Variants in CMC1 observed in about 807,000 individuals in gnomAD.
CMC1 encodes COX assembly mitochondrial protein homolog.
CMC1 carries 14 observed loss-of-function variants against 14.1 expected under a neutral mutation model. The ratio of observed to expected loss-of-function variants is 0.99; its 90% CI spans 0.66 to 1.55. The LOEUF (loss-of-function observed/expected upper bound fraction) is 1.55. CMC1 is among the 40% of genes most tolerant of loss of function. The probability of loss-of-function intolerance (pLI) is 0.00; values close to 1 mark genes in which losing one functional copy is unlikely to be tolerated. For missense variants in CMC1, 127 were observed against 123.8 expected (o/e 1.03, Z -0.12); for synonymous variants, 50 against 38.4 (o/e 1.30, Z -1.12).
intron 2 of CMC1, among the ~76,000 whole-genome samples, chr3:28,308,929 G>T (rs563259602): frequency 1.3e-5 from 2 of 151,684 alleles, no homozygotes; most frequent in Non-Finnish European, 2.9e-5. Flanking sequence ...GTTGCAGTGA[G>T]CCAAGATCAT....
chr3:28,324,416 C>G lies in CMC1; in HGVS notation c.*4787C>G. 6.5e-7 allele frequency: 1 copy of G among 1,537,802 alleles called. No individual in the cohort carries two copies. The highest frequency in any genetic ancestry group is 8.8e-7 in the Non-Finnish European group (1 of 1,141,248). On this transcript the variant is annotated 3_prime_UTR_variant, in exon 4 of 4. Coordinates refer to ENST00000466830, the MANE Select transcript of CMC1 (RefSeq NM_182523.2). ...TTCATCAAGTGCAGTTTTGTGCTGT[C>G]TCTTCCAAGGTCTTCACTGCATCCT...
intron 2 of CMC1, among the ~76,000 whole-genome samples, chr3:28,313,435 A>G (rs1434301710): frequency 6.6e-6 from 1 of 152,210 alleles, no homozygotes; most frequent in Non-Finnish European, 1.5e-5. Context: ...ATAGAATCAG[A>G]TATACAAGCT....
At chr3:28,315,444 G>C (rs1404628068) in intron 2 of CMC1, among the ~76,000 whole-genome samples, 2 of 152,180 alleles carry the variant, frequency 1.3e-5, no homozygotes, top group African/African-American at 4.8e-5. Context: ...TGGGGGTCCT[G>C]TTATTAGAAG....
chr3:28,314,859 A>G (rs775210700), intron 2 of CMC1: 1 of 152,104 alleles, frequency 6.6e-6, no homozygotes, highest in Admixed American at 6.6e-5. Flanking sequence ...TTTCATGGAC[A>G]CTCCTAAGAT....
intron 2 of CMC1, among the ~76,000 whole-genome samples, chr3:28,278,513 T>A (rs1360079592): frequency 2.0e-5 from 3 of 152,208 alleles, no homozygotes; most frequent in Non-Finnish European, 4.4e-5. Flanking sequence ...CAGTAACATG[T>A]TCAACTTGGA....
chr3:28,300,645 C>CCT (rs1701983615), intron 2 of CMC1, among the ~76,000 whole-genome samples: 1 of 42,940 alleles, frequency 2.3e-5, no homozygotes, highest in African/African-American at 1.0e-4. Context: ...CTTTCCCTCC[C>CCT]TCCATCCCTT....
chr3:28,302,048 C>G (rs1405922716), intron 2 of CMC1, among the ~76,000 whole-genome samples: 1 of 152,190 alleles, frequency 6.6e-6, no homozygotes, highest in Non-Finnish European at 1.5e-5. Flanking sequence ...CCTTCACACT[C>G]TAACCTTTTT....
rs1309477230 is a variant in CMC1 at position 28,316,652 on chromosome 3, CAA to C, written c.200+233_200+234del. ...TGATTAAAAAGATGAAGTCAGCAGACAAAAATATATGATTTTTCACTATTTAA... is the reference window on the plus strand; with the variant it reads ...TGATTAAAAAGATGAAGTCAGCAGACAAATATATGATTTTTCACTATTTAA... On this transcript the variant is annotated intron_variant, in intron 3 of 3. Transcript: ENST00000466830. 4 of 325,332 alleles carry C rather than the reference CAA, an allele frequency of 1.2e-5. No individual in the cohort carries two copies. The East Asian group carries it at 1.9e-4, about 16-fold the overall frequency. The allele number at this position is 325,332 out of a possible 1,614,324, so 20.2% of individuals were successfully genotyped here.
chr3:28,255,700 A>T (rs1699365040), intron 1 of CMC1, among the ~76,000 whole-genome samples: 1 of 147,496 alleles, frequency 6.8e-6, no homozygotes, highest in Admixed American at 6.9e-5. Flanking sequence ...TGTTAAAAAA[A>T]ATGTATATAT....
At chr3:28,272,713 T>G (rs1422065752) in intron 2 of CMC1, among the ~76,000 whole-genome samples, 1 of 151,902 alleles carries the variant, frequency 6.6e-6, no homozygotes, top group Non-Finnish European at 1.5e-5. Context: ...AATTGAAGTC[T>G]TGCACTGTCA....
chr3:28,281,150 C>CT lies in CMC1; in HGVS notation c.109+17772dup, dbSNP rs548946979. Among the ~76,000 whole-genome samples, 104 of 152,300 alleles carry CT rather than the reference C, an allele frequency of 6.8e-4. 3 individuals are homozygous for CT. In the East Asian group the frequency reaches 0.019, roughly 27 times the overall value. ...AACTAATTCCGTAAATTTATGAATA[C>CT]TTACCATGTATCCAGCCCTGCACGT... On this transcript the variant is annotated intron_variant, in intron 2 of 3. Coordinates refer to ENST00000466830, the MANE Select transcript of CMC1 (RefSeq NM_182523.2).
Position 28,322,991 on chromosome 3 carries a change from T to TTTA in CMC1, c.*3365_*3367dup, listed in dbSNP as rs1209336567. On this transcript the variant is annotated 3_prime_UTR_variant, in exon 4 of 4. Transcript: ENST00000466830. Reference sequence around the variant, plus strand: ...ATGTGAAGCCATCTTTATTTCCTTCTTTATTTCCAAATAATTGGCCACTTA... The same window carrying TTTA: ...ATGTGAAGCCATCTTTATTTCCTTCTTTATTATTTCCAAATAATTGGCCACTTA... 6.7e-6 allele frequency: 1 copy of TTTA among 149,748 alleles called. No homozygotes were observed. The highest frequency in any genetic ancestry group is 1.5e-5 in the Non-Finnish European group (1 of 66,594). The allele number at this position is 149,748 out of a possible 1,614,324, so 9.3% of individuals were successfully genotyped here.
At chr3:28,265,744 A>T (rs1699976765) in intron 2 of CMC1, among the ~76,000 whole-genome samples, 1 of 152,192 alleles carries the variant, frequency 6.6e-6, no homozygotes, top group Admixed American at 6.5e-5. Context: ...ACTTTCAATG[A>T]AAGAAAGATG....
intron 3 of CMC1, chr3:28,317,620 C>G (rs1345628456): frequency 3.3e-5 from 5 of 151,888 alleles, no homozygotes; most frequent in African/African-American, 1.2e-4. Context: ...ATCCTTCACT[C>G]CAGTTGGGGG....
intron 2 of CMC1, among the ~76,000 whole-genome samples, chr3:28,276,864 C>T (rs1377183028): frequency 3.3e-5 from 5 of 152,180 alleles, no homozygotes; most frequent in East Asian, 3.9e-4. Context: ...ATTAATAGCC[C>T]GTTTTTGAGG....
intron 2 of CMC1, among the ~76,000 whole-genome samples, chr3:28,274,971 A>T (rs1303915564): frequency 6.6e-6 from 1 of 152,026 alleles, no homozygotes; most frequent in African/African-American, 2.4e-5. Context: ...TAAACTGGTC[A>T]TTCTGGTTAA....
chr3:28,323,845 A>T lies in CMC1; in HGVS notation c.*4216A>T. 1 of 514,204 alleles carries T rather than the reference A, an allele frequency of 1.9e-6. No homozygotes were observed. The highest frequency in any genetic ancestry group is 3.4e-6 in the Non-Finnish European group (1 of 290,292). 31.9% of individuals were successfully genotyped at this position (514,204 alleles called of 1,614,324 possible). A position where few individuals can be genotyped will look rare whatever the true frequency, so the allele number is the denominator to read the frequency against. ...CATATTTCAGATTCTTAGAATATGGAGCTAGAGGGTGCTCTTTCATACTAG... is the reference window on the plus strand; with the variant it reads ...CATATTTCAGATTCTTAGAATATGGTGCTAGAGGGTGCTCTTTCATACTAG... On this transcript the variant is annotated 3_prime_UTR_variant, in exon 4 of 4. Transcript: ENST00000466830.
rs149718584 is a variant in CMC1 at position 28,294,411 on chromosome 3, A to C, written c.110-21922A>C. 8.7e-4 allele frequency: 662 copies of C among 760,784 alleles called. 7 individuals are homozygous for C. The African/African-American group carries it at 0.012, about 14-fold the overall frequency. The allele number at this position is 760,784 out of a possible 1,614,324, so 47.1% of individuals were successfully genotyped here. A position where few individuals can be genotyped will look rare whatever the true frequency, so the allele number is the denominator to read the frequency against. ...TATTTCCTTTTTGTCATGTGAAATA[A>C]ATTTTTCTCTTTTACAATACAGGAC... On this transcript the variant is annotated intron_variant, in intron 2 of 3. Coordinates refer to ENST00000466830, the MANE Select transcript of CMC1 (RefSeq NM_182523.2).
intron 1 of CMC1, among the ~76,000 whole-genome samples, chr3:28,257,534 T>C (rs897449250): frequency 6.6e-6 from 1 of 152,220 alleles, no homozygotes; most frequent in African/African-American, 2.4e-5. Context: ...TTTTTTTTGT[T>C]TTTGAGACTG....
Sources: allele counts gnomAD v4.1 joint callset (sites outside exome capture counted in the v4.1 genomes callset), GRCh38; gene constraint gnomAD v4.1.1; transcripts MANE v1.5; gene names NCBI Gene and HGNC (gene_info 2026-07-23, HGNC 2026-07-21).